The following EMILIN2 variants were observed in gnomAD, a reference collection of about 807,000 sequenced individuals.
The protein encoded by EMILIN2 is elastin microfibril interfacer 2, also known as EMILIN-2.
EMILIN2 carries 71 observed loss-of-function variants against 87.1 expected under a neutral mutation model. The ratio of observed to expected loss-of-function variants is 0.82; its 90% CI spans 0.67 to 0.99. The LOEUF (loss-of-function observed/expected upper bound fraction) is 0.99, where lower values mean the gene tolerates loss of function less well. EMILIN2 is among the 50% of genes least tolerant of loss of function. EMILIN2 has a pLI of 0.00. For synonymous variants in EMILIN2, 581 were observed against 563.4 expected (o/e 1.03, Z -0.44); for missense variants, 1,407 against 1,371.8 (o/e 1.03, Z -0.40).
In EMILIN2 at chr18:2,890,580, C is replaced by G; in HGVS notation, c.453C>G (p.Phe151Leu). ...KKATDNEPSQ[F>L]SEPRKTLSPT... ...TAACAGATAATGAACCCAGCCAATTCTCAGAGCCCAGGAAGACTTTGTCCC... is the reference window on the plus strand; with the variant it reads ...TAACAGATAATGAACCCAGCCAATTGTCAGAGCCCAGGAAGACTTTGTCCC... The change falls in exon 4 of 8, where the codon TTC becomes TTG. Residue 151 changes from phenylalanine (F) to leucine (L), a missense_variant. Physicochemically the swap from Phe to Leu is conservative, Grantham distance 22. Coordinates refer to ENST00000254528, the MANE Select transcript of EMILIN2 (RefSeq NM_032048.3). The surrounding 1 kb of genome is among the most constrained non-coding windows in gnomAD (Gnocchi z 4.7). The G allele has an allele frequency of 3.2e-6, 5 of 1,576,342 alleles. No homozygotes were observed. The highest frequency in any genetic ancestry group is 4.3e-6 in the Non-Finnish European group (5 of 1,157,004).
At chr18:2,854,689 G>C (rs1256569222) in intron 2 of EMILIN2, among the ~76,000 whole-genome samples, 5 of 152,200 alleles carry the variant, frequency 3.3e-5, no homozygotes, top group African/African-American at 1.2e-4. Context: ...AGCTACTGGA[G>C]AGGCTGAGGC....
chr18:2,903,038 G>A (rs1168105747), intron 4 of EMILIN2, among the ~76,000 whole-genome samples: 6 of 152,142 alleles, frequency 3.9e-5, no homozygotes, highest in Non-Finnish European at 7.3e-5. Context: ...GAAGGACAGA[G>A]GAAAATTCTG....
chr18:2,887,926 C>G (rs747892811), intron 3 of EMILIN2, among the ~76,000 whole-genome samples: 11 of 152,186 alleles, frequency 7.2e-5, no homozygotes, highest in Non-Finnish European at 1.5e-4. Flanking sequence ...CTCAGCATCC[C>G]AAAGTGCTGG....
chr18:2,880,615 C>T lies in EMILIN2; in HGVS notation c.258-4349C>T, dbSNP rs937201811. Among the ~76,000 whole-genome samples, 14 of 152,220 alleles carry T rather than the reference C, an allele frequency of 9.2e-5. No homozygotes were observed. The highest frequency in any genetic ancestry group is 1.6e-4 in the Non-Finnish European group (11 of 68,032). ...AGCCGAGTCCGCCCCTCCAGCGCTG[C>T]GCAGCCCCGCCGCCTTAACTTTTCC... On this transcript the variant is annotated intron_variant, in intron 2 of 7. Coordinates refer to ENST00000254528, the MANE Select transcript of EMILIN2 (RefSeq NM_032048.3). This position sits in a 1 kb window ranked among gnomAD's most constrained non-coding sequence, Gnocchi z 4.1.
Position 2,914,736 on chromosome 18 carries a change from T to C in EMILIN2, c.*1332T>C, listed in dbSNP as rs1361220597. On this transcript the variant is annotated 3_prime_UTR_variant, in exon 8 of 8. Coordinates refer to ENST00000254528, the MANE Select transcript of EMILIN2 (RefSeq NM_032048.3). The stretch of plus-strand genomic sequence containing the variant: ...GTAAAAAAAATGCTTTAAGAATTGT[T>C]TGCAAATGAATTTACAGGGTGGCCA... The C allele has an allele frequency of 6.6e-6, 1 of 151,548 alleles. No homozygotes were observed. Among genetic ancestry groups the C allele is most frequent in the Admixed American group, 6.6e-5 (1 of 15,220 alleles). The allele number at this position is 151,548 out of a possible 1,614,324, so 9.4% of individuals were successfully genotyped here.
chr18:2,883,224 G>T (rs1344454846), intron 2 of EMILIN2, among the ~76,000 whole-genome samples: 2 of 30,210 alleles, frequency 6.6e-5, no homozygotes, highest in Non-Finnish European at 1.7e-4. Flanking sequence ...GACCCTCGGG[G>T]AGGATGTCAA....
chr18:2,862,768 A>G (rs886250400), intron 2 of EMILIN2, among the ~76,000 whole-genome samples: 11 of 152,002 alleles, frequency 7.2e-5, no homozygotes, highest in East Asian at 5.8e-4. Context: ...CTCTTTTTCT[A>G]TTGATTGGAA....
At chr18:2,873,593 G>A (rs539222166) in intron 2 of EMILIN2, among the ~76,000 whole-genome samples, 57 of 151,738 alleles carry the variant, frequency 3.8e-4, no homozygotes, top group African/African-American at 1.4e-3. Flanking sequence ...TGTAGTCCCA[G>A]CTACTCGGGA....
chr18:2,908,695 C>A (rs1200796762), intron 5 of EMILIN2, among the ~76,000 whole-genome samples: 3 of 152,166 alleles, frequency 2.0e-5, no homozygotes, highest in Admixed American at 6.5e-5. Flanking sequence ...TTCCTGCAGC[C>A]AGCTTGCCCT....
chr18:2,886,761 T>C (rs150415632), intron 3 of EMILIN2, among the ~76,000 whole-genome samples: 32 of 152,380 alleles, frequency 2.1e-4, no homozygotes, highest in African/African-American at 7.2e-4. Flanking sequence ...CATTGTCTTA[T>C]GTTTTTCCTT....
chr18:2,870,690 T>G (rs2076714953), intron 2 of EMILIN2, among the ~76,000 whole-genome samples: 1 of 152,146 alleles, frequency 6.6e-6, no homozygotes, highest in Admixed American at 6.5e-5. Context: ...AGCTTCTAGT[T>G]GAATATATGC....
chr18:2,892,230 G>A lies in EMILIN2; in HGVS notation c.2103G>A (p.Met701Ile). Residue 701 changes from methionine to isoleucine, a missense_variant, in exon 4 of 8, where the codon ATG becomes ATA. Transcript: ENST00000254528. Reference protein sequence around the residue: ...CTQGVQREVSMVEGRVSHMEK... With the variant: ...CTQGVQREVSIVEGRVSHMEK... ...AGGGGGTCCAGAGGGAGGTCTCCATGGTGGAGGGCAGGGTGTCTCATATGG... is the reference window on the plus strand; with the variant it reads ...AGGGGGTCCAGAGGGAGGTCTCCATAGTGGAGGGCAGGGTGTCTCATATGG... 1 of 1,611,438 alleles carries A rather than the reference G, an allele frequency of 6.2e-7. No individual in the cohort carries two copies. The highest frequency in any genetic ancestry group is 1.1e-5 in the South Asian group (1 of 90,986).
At chr18:2,865,621 C>T (rs2076682604) in intron 2 of EMILIN2, among the ~76,000 whole-genome samples, 1 of 152,224 alleles carries the variant, frequency 6.6e-6, no homozygotes, top group Non-Finnish European at 1.5e-5. Context: ...TCTGCCCCTA[C>T]TGGGGGGTGC....
intron 2 of EMILIN2, among the ~76,000 whole-genome samples, chr18:2,871,504 G>C (rs2076719700): frequency 6.6e-6 from 1 of 152,242 alleles, no homozygotes; most frequent in African/African-American, 2.4e-5. Flanking sequence ...GTCCGTGCCA[G>C]AATGGAGGGG....
intron 2 of EMILIN2, among the ~76,000 whole-genome samples, chr18:2,850,093 ATTTTT>A (rs71366611): frequency 2.4e-5 from 3 of 122,538 alleles, no homozygotes; most frequent in African/African-American, 9.3e-5. Context: ...TGCCCAGCTA[ATTTTT>A]TTTTTTTTTT....
chr18:2,908,182 C>A (rs1353804890), intron 5 of EMILIN2, among the ~76,000 whole-genome samples: 1 of 152,192 alleles, frequency 6.6e-6, no homozygotes, highest in East Asian at 1.9e-4. Flanking sequence ...ATCATGGATG[C>A]TTAGGCTCTC....
chr18:2,906,965 A>AC lies in EMILIN2; in HGVS notation c.2543dup (p.Gln850ProfsTer71). On this transcript the variant is annotated frameshift_variant, in exon 5 of 8. Transcript: ENST00000254528. LOFTEE classifies it high-confidence loss of function. ...AGGCTCCACCGGGGTCATCGCGGAG[A>AC]CGGGCCAGGCCGGGCCCCCCGCAGG... 2 of 1,403,504 alleles carry AC rather than the reference A, an allele frequency of 1.4e-6. No homozygotes were observed. Among genetic ancestry groups the AC allele is most frequent in the Non-Finnish European group, 1.9e-6 (2 of 1,077,346 alleles). The allele number at this position is 1,403,504 out of a possible 1,614,324, so 86.9% of individuals were successfully genotyped here. A position where few individuals can be genotyped will look rare whatever the true frequency, so the allele number is the denominator to read the frequency against.
intron 2 of EMILIN2, among the ~76,000 whole-genome samples, chr18:2,878,582 G>T (rs770537170): frequency 2.7e-4 from 41 of 152,182 alleles, no homozygotes; most frequent in Admixed American, 1.3e-4. Context: ...GGAATGAACT[G>T]CTCTGTGGAA....
intron 2 of EMILIN2, among the ~76,000 whole-genome samples, chr18:2,855,414 T>G (rs992191697): frequency 1.3e-5 from 2 of 152,216 alleles, no homozygotes; most frequent in African/African-American, 4.8e-5. Context: ...CTTTCTACCT[T>G]CGTCTTACAC....
Sources: allele counts gnomAD v4.1 joint callset (sites outside exome capture counted in the v4.1 genomes callset), GRCh38; gene constraint gnomAD v4.1.1; non-coding constraint Gnocchi (gnomAD v3.1); transcripts MANE v1.5; gene names NCBI Gene and HGNC (gene_info 2026-07-23, HGNC 2026-07-21).